Variants in TFDP2 observed in about 807,000 individuals in gnomAD.
TFDP2 encodes transcription factor Dp-2 (E2F dimerization partner 2).
Under a neutral mutation model 59.3 loss-of-function variants are expected in TFDP2, and 17 were observed. That is an observed-to-expected ratio of 0.29 (90% CI 0.20 to 0.43). The LOEUF (loss-of-function observed/expected upper bound fraction) is 0.43, where lower values mean the gene tolerates loss of function less well. Among genes scored for constraint, TFDP2 ranks in the 20% least tolerant of loss-of-function variants. The probability of loss-of-function intolerance (pLI) is 1.00; values close to 1 mark genes in which losing one functional copy is unlikely to be tolerated. For missense variants in TFDP2, 391 were observed against 528.8 expected (o/e 0.74, Z 2.56); for synonymous variants, 180 against 194.7 (o/e 0.92, Z 0.63).
chr3:142,024,704 T>C (rs1945925955), intron 3 of TFDP2, among the ~76,000 whole-genome samples: 2 of 152,190 alleles, frequency 1.3e-5, no homozygotes, highest in South Asian at 2.1e-4. Flanking sequence ...TCCTGAAGTC[T>C]TCTTTCAGTA....
chr3:142,119,018 G>C (rs1162644874), intron 1 of TFDP2, among the ~76,000 whole-genome samples: 1 of 152,132 alleles, frequency 6.6e-6, no homozygotes, highest in Non-Finnish European at 1.5e-5. Context: ...AAAACTAACT[G>C]GGTGTAGTGG....
intron 3 of TFDP2, among the ~76,000 whole-genome samples, chr3:142,021,669 T>G (rs1279587904): frequency 6.6e-6 from 1 of 152,214 alleles, no homozygotes; most frequent in Non-Finnish European, 1.5e-5. Context: ...CCTAAATTCT[T>G]AAATTTGAAA....
intron 3 of TFDP2, among the ~76,000 whole-genome samples, chr3:142,067,672 T>C (rs979978662): frequency 6.6e-6 from 1 of 151,904 alleles, no homozygotes. Flanking sequence ...AACACAATAG[T>C]AAAGAAAAGC....
At chr3:142,040,004 A>T (rs1466771535) in intron 3 of TFDP2, among the ~76,000 whole-genome samples, 2 of 152,184 alleles carry the variant, frequency 1.3e-5, no homozygotes, top group Non-Finnish European at 2.9e-5. Context: ...GCCTGATGGG[A>T]GAGGCGTGCC....
intron 4 of TFDP2, among the ~76,000 whole-genome samples, chr3:142,004,515 A>G (rs1194050990): frequency 6.6e-6 from 1 of 152,248 alleles, no homozygotes; most frequent in Non-Finnish European, 1.5e-5. Context: ...ACATAGTTTC[A>G]GAGTAGTGGA....
intron 11 of TFDP2, among the ~76,000 whole-genome samples, chr3:141,953,570 T>C (rs922217289): frequency 3.9e-5 from 6 of 152,178 alleles, no homozygotes; most frequent in African/African-American, 1.4e-4. Context: ...ATCTATTCTT[T>C]TTCCTGACAA....
At chr3:142,076,716 T>A (rs1181733710) in intron 3 of TFDP2, among the ~76,000 whole-genome samples, 3 of 152,338 alleles carry the variant, frequency 2.0e-5, no homozygotes, top group Admixed American at 2.0e-4. Context: ...TAACATGTAG[T>A]TCTGTGTGCA....
At chr3:141,979,457 G>A (rs752599698) in intron 6 of TFDP2, among the ~76,000 whole-genome samples, 6 of 152,166 alleles carry the variant, frequency 3.9e-5, no homozygotes, top group African/African-American at 9.7e-5. Context: ...CCAGAAGAAC[G>A]CATTGTTATC....
intron 8 of TFDP2, among the ~76,000 whole-genome samples, chr3:141,970,445 TACTC>T (rs1437551426): frequency 3.3e-5 from 5 of 152,366 alleles, no homozygotes; most frequent in African/African-American, 1.2e-4. Flanking sequence ...ACTTAGTTTA[TACTC>T]ACTCTATCTG....
At position 141,952,113 on chromosome 3, in the gene TFDP2, C is replaced by G. The variant is rs562067243; in HGVS notation, c.*400G>C. 6.5e-6 allele frequency: 1 copy of G among 154,668 alleles called. No homozygotes were observed. Among genetic ancestry groups the G allele is most frequent in the African/African-American group, 2.4e-5 (1 of 41,492 alleles). The allele number at this position is 154,668 out of a possible 1,614,324, so 9.6% of individuals were successfully genotyped here. The stretch of plus-strand genomic sequence containing the variant: ...AGGCAGTCCAGGCAAGGAAGAGAAA[C>G]GTCAGAAACACGATCGTCAAGGACT... On this transcript the variant is annotated 3_prime_UTR_variant, in exon 13 of 13. Coordinates refer to ENST00000489671, the MANE Select transcript of TFDP2 (RefSeq NM_001178139.2).
intron 3 of TFDP2, chr3:142,043,958 G>A (rs946683155): frequency 8.0e-6 from 6 of 752,744 alleles, no homozygotes; most frequent in South Asian, 4.3e-5. Context: ...GTACCCTTCC[G>A]CTTACCTATG....
At chr3:141,966,179 T>C (rs1455895584) in intron 9 of TFDP2, among the ~76,000 whole-genome samples, 2 of 151,926 alleles carry the variant, frequency 1.3e-5, no homozygotes, top group Admixed American at 1.3e-4. Flanking sequence ...TATTATTTAT[T>C]ATTATTTTTT....
chr3:142,120,025 G>A (rs542465470), intron 1 of TFDP2, among the ~76,000 whole-genome samples: 40 of 151,932 alleles, frequency 2.6e-4, no homozygotes, highest in African/African-American at 9.2e-4. Context: ...ACTCCAGCCT[G>A]GGCGACAGAG....
chr3:141,978,502 G>C lies in TFDP2; in HGVS notation c.519+18C>G, dbSNP rs372113640. On this transcript the variant is annotated intron_variant, in intron 7 of 12. Transcript: ENST00000489671. ...GCATCATCCATCAAAATCAATGTCA[G>C]GTTCATGATTTACATACCGAATCAG... The C allele has an allele frequency of 4.4e-6, 7 of 1,599,388 alleles. No individual in the cohort carries two copies. In the African/African-American group the frequency reaches 8.1e-5, roughly 19 times the overall value.
chr3:142,009,704 C>A (rs1428638177), intron 3 of TFDP2, among the ~76,000 whole-genome samples: 1 of 146,278 alleles, frequency 6.8e-6, no homozygotes, highest in Non-Finnish European at 1.5e-5. Context: ...CAGAGCAAGA[C>A]TCTGTCTCAA....
chr3:142,132,645 T>C (rs1340517664), intron 1 of TFDP2, among the ~76,000 whole-genome samples: 1 of 147,670 alleles, frequency 6.8e-6, no homozygotes, highest in Non-Finnish European at 1.5e-5. Flanking sequence ...CTTGGGAGGC[T>C]GAGGCAGGAG....
At chr3:142,091,157 C>A (rs1417671134) in intron 3 of TFDP2, among the ~76,000 whole-genome samples, 1 of 152,154 alleles carries the variant, frequency 6.6e-6, no homozygotes, top group Non-Finnish European at 1.5e-5. Flanking sequence ...TAGCTTAATC[C>A]TGACCTTAAG....
chr3:141,981,038 C>G (rs901784833), intron 6 of TFDP2, among the ~76,000 whole-genome samples: 1 of 151,990 alleles, frequency 6.6e-6, no homozygotes, highest in Non-Finnish European at 1.5e-5. Context: ...AATTCCTAGG[C>G]CTTCACATTC....
chr3:142,073,589 G>A (rs73232677), intron 3 of TFDP2, among the ~76,000 whole-genome samples: 12,972 of 151,652 alleles, frequency 0.086, 699 homozygotes, highest in Middle Eastern at 0.14. Context: ...CACTGAAAGC[G>A]TATGCCCTCT....
Sources: gnomAD v4.1 joint callset for allele counts (sites outside exome capture counted in the v4.1 genomes callset) on GRCh38, gnomAD v4.1.1 for gene constraint, MANE v1.5 for transcripts, NCBI Gene and HGNC (gene_info 2026-07-23, HGNC 2026-07-21) for gene names.